Variants in ANKS1B observed in about 807,000 individuals in gnomAD.
ANKS1B encodes the protein ankyrin repeat and sterile alpha motif domain containing 1B.
In ANKS1B, 36 loss-of-function variants were observed where a neutral mutation model predicts 148.3. The ratio of observed to expected loss-of-function variants is 0.24; its 90% CI spans 0.19 to 0.32. The LOEUF is 0.32. ANKS1B is among the 10% of genes least tolerant of loss of function. ANKS1B has a pLI of 1.00. For synonymous variants in ANKS1B, 542 were observed against 560.8 expected (o/e 0.97, Z 0.47); for missense variants, 1,157 against 1,542.6 (o/e 0.75, Z 4.19).
chr12:99,896,566 A>C (rs2093395471), intron 1 of ANKS1B, among the ~76,000 whole-genome samples: 1 of 151,066 alleles, frequency 6.6e-6, no homozygotes, highest in Non-Finnish European at 1.5e-5. Flanking sequence ...TTTGCTCTTT[A>C]AATATATAAA....
intron 8 of ANKS1B, among the ~76,000 whole-genome samples, chr12:99,694,573 T>C (rs945561898): frequency 1.3e-5 from 2 of 151,828 alleles, no homozygotes; most frequent in Non-Finnish European, 2.9e-5. Context: ...AAATAAAACC[T>C]CAGCTGACCA....
intron 16 of ANKS1B, chr12:99,079,941 C>G (rs75790473): frequency 0.02 from 3,099 of 152,392 alleles, 41 homozygotes; most frequent in African/African-American, 0.027. Context: ...ACCAGTTCCC[C>G]ATGAATTTGC....
At chr12:98,964,967 C>A (rs2099876585) in intron 17 of ANKS1B, among the ~76,000 whole-genome samples, 1 of 152,066 alleles carries the variant, frequency 6.6e-6, no homozygotes, top group Admixed American at 6.6e-5. Context: ...TAAAAATAAT[C>A]ATTTGTAACA....
intron 10 of ANKS1B, among the ~76,000 whole-genome samples, chr12:99,473,592 T>A (rs1300383765): frequency 1.3e-5 from 2 of 152,074 alleles, no homozygotes; most frequent in Non-Finnish European, 2.9e-5. Flanking sequence ...TTTACAATAC[T>A]TGATATTGTC....
At chr12:99,666,160 T>C (rs1464998638) in intron 8 of ANKS1B, among the ~76,000 whole-genome samples, 1 of 152,242 alleles carries the variant, frequency 6.6e-6, no homozygotes, top group Non-Finnish European at 1.5e-5. Flanking sequence ...TCTACTTTGT[T>C]CTATTGACCT....
intron 17 of ANKS1B, among the ~76,000 whole-genome samples, chr12:98,899,929 T>G (rs989478957): frequency 1.3e-5 from 2 of 152,210 alleles, no homozygotes. Context: ...ACTTATTGTC[T>G]CCAATGATAG....
chr12:99,605,039 C>G (rs2097841870), intron 9 of ANKS1B, among the ~76,000 whole-genome samples: 1 of 151,880 alleles, frequency 6.6e-6, no homozygotes. Flanking sequence ...ATTCTCAGAC[C>G]AAAATACTCC....
At chr12:98,874,640 T>C (rs927718338) in intron 17 of ANKS1B, among the ~76,000 whole-genome samples, 1 of 152,086 alleles carries the variant, frequency 6.6e-6, no homozygotes, top group Non-Finnish European at 1.5e-5. Flanking sequence ...AACATGGAGA[T>C]TTATTGGACA....
intron 12 of ANKS1B, among the ~76,000 whole-genome samples, chr12:99,301,875 G>A (rs73143012): frequency 0.11 from 16,326 of 152,168 alleles, 877 homozygotes; most frequent in Non-Finnish European, 0.13. Context: ...GGGGTCAAAT[G>A]AGGTTAGTCT....
intron 9 of ANKS1B, among the ~76,000 whole-genome samples, chr12:99,607,329 C>G (rs1033915980): frequency 1.3e-5 from 2 of 151,490 alleles, no homozygotes; most frequent in Non-Finnish European, 2.9e-5. Flanking sequence ...AGGCAAGTAT[C>G]AAAAATATCA....
chr12:98,809,739 C>A (rs1267690851), intron 19 of ANKS1B, among the ~76,000 whole-genome samples: 1 of 152,128 alleles, frequency 6.6e-6, no homozygotes, highest in African/African-American at 2.4e-5. Flanking sequence ...AGCCCCCTCA[C>A]CGACTGAACG....
intron 14 of ANKS1B, among the ~76,000 whole-genome samples, chr12:99,177,317 C>T (rs1268641167): frequency 6.6e-6 from 1 of 152,136 alleles, no homozygotes; most frequent in Non-Finnish European, 1.5e-5. Context: ...TGAATGAAGT[C>T]ACATTTGAGG....
At chr12:99,398,084 G>A (rs7302669) in intron 12 of ANKS1B, among the ~76,000 whole-genome samples, 67,397 of 151,876 alleles carry the variant, frequency 0.44, 17,122 homozygotes, top group African/African-American at 0.7. Context: ...AAGGAGTTGG[G>A]TTTTATTCTA....
In ANKS1B at chr12:99,360,063, C is replaced by G. The variant is rs917319541; in HGVS notation, c.1756+39568G>C. Among the ~76,000 whole-genome samples, 4 of 152,068 alleles carry G rather than the reference C, an allele frequency of 2.6e-5. No homozygotes were observed. The East Asian group carries it at 7.7e-4, about 29-fold the overall frequency. On this transcript the variant is annotated intron_variant, in intron 12 of 26. Transcript: ENST00000683438. ...AGGCTGAGAAGAAAACTACAGTAAA[C>G]TCTTAGCTTTTCTACTTTGAATTGG...
At chr12:99,363,609 T>A (rs1453052135) in intron 12 of ANKS1B, among the ~76,000 whole-genome samples, 3 of 152,102 alleles carry the variant, frequency 2.0e-5, no homozygotes, top group Non-Finnish European at 2.9e-5. Context: ...CCAACACCTT[T>A]CAGAGCCTGT....
chr12:99,907,586 T>C (rs936833126), intron 1 of ANKS1B, among the ~76,000 whole-genome samples: 1 of 152,174 alleles, frequency 6.6e-6, no homozygotes, highest in African/African-American at 2.4e-5. Flanking sequence ...GAACTTGATA[T>C]ATCTTCATAA....
chr12:99,243,127 T>C (rs2089665357), intron 14 of ANKS1B, among the ~76,000 whole-genome samples: 2 of 152,122 alleles, frequency 1.3e-5, no homozygotes, highest in Admixed American at 1.3e-4. Context: ...AATCTACCCA[T>C]CTGACAAAGG....
chr12:99,130,503 CT>C (rs961203309), intron 15 of ANKS1B, among the ~76,000 whole-genome samples: 9 of 152,042 alleles, frequency 5.9e-5, no homozygotes. Context: ...TGTTTTATTC[CT>C]TTTTCTGCTG....
intron 17 of ANKS1B, among the ~76,000 whole-genome samples, chr12:98,884,201 T>C (rs900915528): frequency 6.6e-6 from 1 of 152,250 alleles, no homozygotes; most frequent in African/African-American, 2.4e-5. Context: ...TGTTAGTGTA[T>C]AGACCAAGAT....
Sources: gnomAD v4.1 joint callset for allele counts (sites outside exome capture counted in the v4.1 genomes callset) on GRCh38, gnomAD v4.1.1 for gene constraint, MANE v1.5 for transcripts, NCBI Gene and HGNC (gene_info 2026-07-23, HGNC 2026-07-21) for gene names.